RBPJ: variants seen among roughly 807,000 people sequenced by gnomAD.
RBPJ encodes the protein recombining binding protein suppressor of hairless.
Under a neutral mutation model 67.8 loss-of-function variants are expected in RBPJ, and 9 were observed. The ratio of observed to expected loss-of-function variants is 0.13; its 90% CI spans 0.08 to 0.23. The LOEUF is 0.23. Among genes scored for constraint, RBPJ ranks in the 10% least tolerant of loss-of-function variants. The pLI is 1.00. For missense variants in RBPJ, 305 were observed against 595.6 expected (o/e 0.51, Z 5.08); for synonymous variants, 198 against 203.3 (o/e 0.97, Z 0.22).
At chr4:26,398,455 T>G (rs1437916532) in intron 2 of RBPJ, among the ~76,000 whole-genome samples, 4 of 152,246 alleles carry the variant, frequency 2.6e-5, no homozygotes, top group Admixed American at 6.5e-5. Flanking sequence ...GTTTTCCATA[T>G]GTCTTGGCCC....
chr4:26,351,402 T>C (rs986816287), intron 1 of RBPJ, among the ~76,000 whole-genome samples: 1 of 152,112 alleles, frequency 6.6e-6, no homozygotes, highest in Non-Finnish European at 1.5e-5. Flanking sequence ...CTTTGTTTAT[T>C]TTTTGGTGGG....
chr4:26,296,234 A>G (rs1345644773), intron 1 of RBPJ, among the ~76,000 whole-genome samples: 5 of 152,186 alleles, frequency 3.3e-5, no homozygotes, highest in Admixed American at 2.0e-4. Flanking sequence ...ATCTCCCGCT[A>G]TAATTACAGG....
At chr4:26,219,742 A>C (rs535263981) in intron 1 of RBPJ, among the ~76,000 whole-genome samples, 2 of 152,210 alleles carry the variant, frequency 1.3e-5, no homozygotes, top group Admixed American at 6.5e-5. Flanking sequence ...AGTCACATTA[A>C]CTGGTATATG....
chr4:26,221,420 G>A (rs995471234), intron 1 of RBPJ, among the ~76,000 whole-genome samples: 3 of 152,246 alleles, frequency 2.0e-5, no homozygotes, highest in South Asian at 4.2e-4. Context: ...AAGAATTCTA[G>A]TTTGCTGGGT....
chr4:26,275,387 A>C (rs1441300761), intron 1 of RBPJ, among the ~76,000 whole-genome samples: 3 of 152,140 alleles, frequency 2.0e-5, no homozygotes, highest in Non-Finnish European at 4.4e-5. Context: ...TAGGAAGATA[A>C]TGAAAAGGGA....
the RBPJ span, among the ~76,000 whole-genome samples, chr4:26,130,104 C>T: frequency 6.6e-6 from 1 of 152,110 alleles, no homozygotes. Context: ...TTAAGTGATC[C>T]TCCTGCCTCG....
At chr4:26,355,762 C>T (rs2109467054) in intron 1 of RBPJ, among the ~76,000 whole-genome samples, 1 of 152,266 alleles carries the variant, frequency 6.6e-6, no homozygotes. Flanking sequence ...ATAGTTTGTG[C>T]CCCACTGGGG....
chr4:26,293,564 A>C (rs1229566479), intron 1 of RBPJ, among the ~76,000 whole-genome samples: 1 of 150,176 alleles, frequency 6.7e-6, no homozygotes, highest in Non-Finnish European at 1.5e-5. Flanking sequence ...TGAACCCAGG[A>C]GTTCGGGGCT....
chr4:26,193,198 C>T (rs1717630194), intron 1 of RBPJ, among the ~76,000 whole-genome samples: 2 of 152,138 alleles, frequency 1.3e-5, no homozygotes, highest in African/African-American at 4.8e-5. Flanking sequence ...TTCCTTTAAG[C>T]CACAGAACTA....
chr4:26,292,464 A>G (rs1471660587), intron 1 of RBPJ, among the ~76,000 whole-genome samples: 2 of 150,574 alleles, frequency 1.3e-5, no homozygotes, highest in East Asian at 2.0e-4. Flanking sequence ...TCTGTTGCCC[A>G]GGCTGGTATG....
At chr4:26,196,440 A>T (rs1717766608) in intron 1 of RBPJ, among the ~76,000 whole-genome samples, 1 of 152,200 alleles carries the variant, frequency 6.6e-6, no homozygotes, top group Non-Finnish European at 1.5e-5. Context: ...GGAAAGGAGG[A>T]GCAGGTGTGA....
chr4:26,195,705 C>T (rs1182859917), intron 1 of RBPJ, among the ~76,000 whole-genome samples: 1 of 152,148 alleles, frequency 6.6e-6, no homozygotes, highest in Non-Finnish European at 1.5e-5. Flanking sequence ...AGTGATTCTC[C>T]TGCCTTAGCC....
intron 1 of RBPJ, among the ~76,000 whole-genome samples, chr4:26,276,987 A>G (rs894466590): frequency 4.6e-5 from 7 of 152,112 alleles, no homozygotes; most frequent in Non-Finnish European, 8.8e-5. Flanking sequence ...CTGTAAGTGA[A>G]AAACCTGGCT....
Position 26,430,066 on chromosome 4 carries a change from A to G in RBPJ, c.1044+13A>G, listed in dbSNP as rs1245462295. The G allele has an allele frequency of 1.2e-6, 2 of 1,613,762 alleles. No individual in the cohort carries two copies. Among genetic ancestry groups the G allele is most frequent in the African/African-American group, 2.7e-5 (2 of 74,924 alleles). ...AGAGAGCCTTCAGGTGAGAACGCCT[A>G]GTCCAAGTTGGCCTTCAGCTCTTTG... On this transcript the variant is annotated intron_variant, in intron 9 of 10. Transcript: ENST00000355476. The surrounding 1 kb of genome is among the most constrained non-coding windows in gnomAD (Gnocchi z 4.1).
At chr4:26,371,193 T>C (rs921519179) in intron 1 of RBPJ, among the ~76,000 whole-genome samples, 1 of 152,228 alleles carries the variant, frequency 6.6e-6, no homozygotes, top group African/African-American at 2.4e-5. Context: ...TTAACTGTGC[T>C]TTAATCATGT....
At chr4:26,375,827 C>T (rs1362696001) in intron 1 of RBPJ, among the ~76,000 whole-genome samples, 1 of 152,138 alleles carries the variant, frequency 6.6e-6, no homozygotes, top group Non-Finnish European at 1.5e-5. Context: ...TCTCTGGCCG[C>T]CCTTCCTAGG....
chr4:26,245,669 T>C (rs1719904341), intron 1 of RBPJ, among the ~76,000 whole-genome samples: 1 of 152,170 alleles, frequency 6.6e-6, no homozygotes. Context: ...TCATGAAGAG[T>C]TGTTCCCAAG....
chr4:26,269,261 TA>T (rs1720802410), intron 1 of RBPJ, among the ~76,000 whole-genome samples: 4 of 151,276 alleles, frequency 2.6e-5, no homozygotes, highest in African/African-American at 9.7e-5. Context: ...TTTATTTATT[TA>T]TTTATTTTTT....
At chr4:26,309,183 ATTTTTGTGT>A (rs1404654394) in intron 1 of RBPJ, among the ~76,000 whole-genome samples, 1 of 151,938 alleles carries the variant, frequency 6.6e-6, no homozygotes, top group Non-Finnish European at 1.5e-5. Context: ...CTCCCGGCTA[ATTTTTGTGT>A]TTTTTGTAGA....
Sources: allele counts gnomAD v4.1 joint callset (sites outside exome capture counted in the v4.1 genomes callset), GRCh38; gene constraint gnomAD v4.1.1; non-coding constraint Gnocchi (gnomAD v3.1); transcripts MANE v1.5; gene names NCBI Gene and HGNC (gene_info 2026-07-23, HGNC 2026-07-21).